Variants in IL1RAP observed in about 807,000 individuals in gnomAD.
IL1RAP encodes the protein interleukin 1 receptor accessory protein.
Under a neutral mutation model 60.7 loss-of-function variants are expected in IL1RAP, and 35 were observed. That is an observed-to-expected ratio of 0.58 (90% CI 0.44 to 0.76). The LOEUF (loss-of-function observed/expected upper bound fraction) is 0.76. Ranked by LOEUF, IL1RAP falls within the 30% of genes least tolerant of loss-of-function variation. The probability of loss-of-function intolerance (pLI) is 0.00; values close to 1 mark genes in which losing one functional copy is unlikely to be tolerated. For missense variants in IL1RAP, 572 were observed against 693.9 expected, an observed-to-expected ratio of 0.82 and a Z score of 1.97; for synonymous variants, 268 against 250.9, an observed-to-expected ratio of 1.07 and a Z score of -0.64.
chr3:190,543,040 G>T (rs1724079301), intron 1 of IL1RAP, among the ~76,000 whole-genome samples: 1 of 152,030 alleles, frequency 6.6e-6, no homozygotes, highest in Non-Finnish European at 1.5e-5. Context: ...TGGTCATTGG[G>T]TGGGGGCTCA....
At chr3:190,610,971 G>C (rs1730772609) in intron 5 of IL1RAP, among the ~76,000 whole-genome samples, 1 of 152,190 alleles carries the variant, frequency 6.6e-6, no homozygotes, top group Non-Finnish European at 1.5e-5. Context: ...ACATTTGGAT[G>C]ATGATAGGAA....
In IL1RAP at chr3:190,650,761, C is replaced by G. The variant is rs1489431063; in HGVS notation, c.*2056C>G. The G allele has an allele frequency of 3.1e-6, 3 of 983,446 alleles. No homozygotes were observed. The East Asian group carries it at 3.4e-4, about 111-fold the overall frequency. 60.9% of individuals were successfully genotyped at this position (983,446 alleles called of 1,614,324 possible). The stretch of plus-strand genomic sequence containing the variant: ...CTATTAGAAACCACAATTACTCCCT[C>G]TATTAACCCTTCACTTACTAGACCA... On this transcript the variant is annotated 3_prime_UTR_variant, in exon 12 of 12. Transcript: ENST00000447382.
chr3:190,602,057 TAC>T (rs1281317191), intron 3 of IL1RAP, among the ~76,000 whole-genome samples: 1 of 152,152 alleles, frequency 6.6e-6, no homozygotes, highest in African/African-American at 2.4e-5. Context: ...TTGGAAAACT[TAC>T]AGTTTCAAAT....
intron 5 of IL1RAP, among the ~76,000 whole-genome samples, chr3:190,611,927 C>T (rs1730858689): frequency 6.6e-6 from 1 of 151,854 alleles, no homozygotes; most frequent in Non-Finnish European, 1.5e-5. Flanking sequence ...GGATCTTTTT[C>T]ATTTGAAAAA....
At chr3:190,654,766 A>G (rs1306531446), downstream of IL1RAP, among the ~76,000 whole-genome samples, 1 of 152,120 alleles carries the variant, frequency 6.6e-6, no homozygotes, top group Non-Finnish European at 1.5e-5. Flanking sequence ...TCACACGGTG[A>G]CTCTGGCACA....
chr3:190,551,209 G>GT (rs1724832838), intron 1 of IL1RAP, among the ~76,000 whole-genome samples: 2 of 152,132 alleles, frequency 1.3e-5, no homozygotes, highest in African/African-American at 2.4e-5. Flanking sequence ...TATGAAGCCA[G>GT]TTTTTTTCCC....
At chr3:190,522,419 G>GTATC (rs36196626) in intron 1 of IL1RAP, among the ~76,000 whole-genome samples, 14,793 of 142,542 alleles carry the variant, frequency 0.1, 820 homozygotes, top group African/African-American at 0.16. Context: ...ATGTATCTAT[G>GTATC]TATCTATCTA....
chr3:190,539,680 A>C (rs1262752470), intron 1 of IL1RAP, among the ~76,000 whole-genome samples: 1 of 151,604 alleles, frequency 6.6e-6, no homozygotes, highest in Non-Finnish European at 1.5e-5. Flanking sequence ...AATATGTAAA[A>C]ATAAATAAGG....
At chr3:190,523,418 T>C (rs1480176667) in intron 1 of IL1RAP, among the ~76,000 whole-genome samples, 1 of 152,190 alleles carries the variant, frequency 6.6e-6, no homozygotes, top group African/African-American at 2.4e-5. Flanking sequence ...GTTTGTTACA[T>C]AGGTAACCTT....
intron 9 of IL1RAP, chr3:190,629,954 T>C (rs1413788662): frequency 1.1e-6 from 1 of 905,388 alleles, no homozygotes; most frequent in Non-Finnish European, 1.3e-6. Context: ...CCTGAACAAA[T>C]AACAGAAAGG....
At chr3:190,558,608 C>T (rs1725628078) in intron 2 of IL1RAP, among the ~76,000 whole-genome samples, 1 of 152,116 alleles carries the variant, frequency 6.6e-6, no homozygotes, top group Admixed American at 6.6e-5. Context: ...TTCTTTATGA[C>T]TTAAACATTT....
chr3:190,543,228 T>G (rs1461453329), intron 1 of IL1RAP, among the ~76,000 whole-genome samples: 1 of 152,106 alleles, frequency 6.6e-6, no homozygotes, highest in Non-Finnish European at 1.5e-5. Context: ...CATGATGATC[T>G]GAGAAAGAAA....
chr3:190,647,995 A>C (rs1051271096), intron 11 of IL1RAP, among the ~76,000 whole-genome samples: 1 of 152,204 alleles, frequency 6.6e-6, no homozygotes, highest in Non-Finnish European at 1.5e-5. Flanking sequence ...GATGCCACAC[A>C]CTTTAAAGAA....
chr3:190,578,641 T>C (rs76336125), intron 3 of IL1RAP, among the ~76,000 whole-genome samples: 3,117 of 152,318 alleles, frequency 0.02, 89 homozygotes, highest in East Asian at 0.15. Context: ...TCTACTAATA[T>C]TGGATACTGT....
chr3:190,549,909 A>G (rs1162109799), intron 1 of IL1RAP, among the ~76,000 whole-genome samples: 1 of 152,188 alleles, frequency 6.6e-6, no homozygotes, highest in Non-Finnish European at 1.5e-5. Context: ...AGGGGTACGG[A>G]GTGAAGATGG....
intron 1 of IL1RAP, among the ~76,000 whole-genome samples, chr3:190,526,500 A>C (rs544555005): frequency 6.6e-6 from 1 of 152,236 alleles, no homozygotes; most frequent in Non-Finnish European, 1.5e-5. Context: ...GTATCATTTC[A>C]TTAGCAAATA....
At chr3:190,656,499 A>G (rs2108876375), downstream of IL1RAP, 2 of 1,537,320 alleles carry the variant, frequency 1.3e-6, no homozygotes, top group Non-Finnish European at 8.7e-7. Context: ...CAGAAACTCA[A>G]TGGATACAAA....
intron 3 of IL1RAP, among the ~76,000 whole-genome samples, chr3:190,573,950 G>A (rs749112167): frequency 7.9e-5 from 12 of 151,974 alleles, no homozygotes; most frequent in Non-Finnish European, 1.6e-4. Context: ...TTCTTCCATC[G>A]TTACAAGTGA....
chr3:190,638,629 A>G (rs1310735060), intron 9 of IL1RAP, among the ~76,000 whole-genome samples: 2 of 152,070 alleles, frequency 1.3e-5, no homozygotes, highest in Non-Finnish European at 2.9e-5. Flanking sequence ...TAATTTATTA[A>G]CTTCTTCTTT....
Sources: gnomAD v4.1 joint callset for allele counts (sites outside exome capture counted in the v4.1 genomes callset) on GRCh38, gnomAD v4.1.1 for gene constraint, MANE v1.5 for transcripts, NCBI Gene and HGNC (gene_info 2026-07-23, HGNC 2026-07-21) for gene names.